The following DLGAP1 variants were observed in gnomAD, a reference collection of about 807,000 sequenced individuals.
DLGAP1 encodes the protein disks large-associated protein 1.
Under a neutral mutation model 90.8 loss-of-function variants are expected in DLGAP1, and 11 were observed. The ratio of observed to expected loss-of-function variants is 0.12; its 90% confidence interval spans 0.08 to 0.20. DLGAP1 has a LOEUF of 0.20. Ranked by LOEUF, DLGAP1 falls within the 10% of genes least tolerant of loss-of-function variation. The pLI is 1.00. For synonymous variants in DLGAP1, 558 were observed against 540.7 expected, an observed-to-expected ratio of 1.03 and a Z score of -0.44; for missense variants, 1,050 against 1,333.8, an observed-to-expected ratio of 0.79 and a Z score of 3.31.
At chr18:4,100,620 C>T (rs74687924) in intron 2 of DLGAP1, among the ~76,000 whole-genome samples, 1 of 152,192 alleles carries the variant, frequency 6.6e-6, no homozygotes, top group African/African-American at 2.4e-5. Flanking sequence ...ATTGACTTCT[C>T]CCCTTTAGCT....
chr18:4,313,580 T>C (rs942916775), intron 1 of DLGAP1, among the ~76,000 whole-genome samples: 2 of 152,270 alleles, frequency 1.3e-5, no homozygotes, highest in East Asian at 3.9e-4. Context: ...AAGGGCTAGA[T>C]TGACAATGAA....
At chr18:3,722,981 A>G (rs988232354) in intron 7 of DLGAP1, among the ~76,000 whole-genome samples, 5 of 152,202 alleles carry the variant, frequency 3.3e-5, no homozygotes, top group Non-Finnish European at 5.9e-5. Flanking sequence ...TGAGCTTCTT[A>G]TTCTGACTTT....
chr18:4,118,304 T>A (rs971536538), intron 2 of DLGAP1, among the ~76,000 whole-genome samples: 1 of 152,200 alleles, frequency 6.6e-6, no homozygotes, highest in South Asian at 2.1e-4. Context: ...TCTGTTCCAC[T>A]GCACAAGAGC....
intron 3 of DLGAP1, among the ~76,000 whole-genome samples, chr18:3,935,905 A>T (rs921925400): frequency 6.6e-6 from 1 of 152,192 alleles, no homozygotes; most frequent in Non-Finnish European, 1.5e-5. Flanking sequence ...CTTTTATCAC[A>T]GCAAAGGAAA....
chr18:3,619,076 G>T (rs549207346), intron 7 of DLGAP1, among the ~76,000 whole-genome samples: 1 of 152,150 alleles, frequency 6.6e-6, no homozygotes, highest in East Asian at 1.9e-4. Context: ...CCAGCCACCC[G>T]CAAGCCACAG....
intron 7 of DLGAP1, among the ~76,000 whole-genome samples, chr18:3,700,096 G>A (rs1310772276): frequency 6.6e-6 from 1 of 152,146 alleles, no homozygotes; most frequent in African/African-American, 2.4e-5. Context: ...AGACCACTTG[G>A]CTCCCTGGCT....
rs540306032 is a variant in DLGAP1 at position 3,810,006 on chromosome 18, A to C, written c.1172+4053T>G. ...CTTGCCTGGAAATTTACTATTAAAC[A>C]TTCAGAATTTTTTTGAAAATGCTAA... is the stretch of plus-strand genomic sequence containing the variant. On this transcript the variant is annotated intron_variant, in intron 5 of 12. Coordinates refer to ENST00000315677, the MANE Select transcript of DLGAP1 (RefSeq NM_004746.4). Among the ~76,000 whole-genome samples the C allele has an allele frequency of 1.6e-4, 24 of 152,332 alleles. No individual in the cohort carries two copies. The East Asian group carries it at 4.4e-3, about 28-fold the overall frequency.
intron 1 of DLGAP1, among the ~76,000 whole-genome samples, chr18:4,388,329 G>C (rs1251553407): frequency 6.6e-6 from 1 of 152,134 alleles, no homozygotes; most frequent in South Asian, 2.1e-4. Flanking sequence ...AGGAAAAAAT[G>C]GTTTCAGTTT....
chr18:4,408,821 T>C (rs1014416744), intron 1 of DLGAP1, among the ~76,000 whole-genome samples: 1 of 152,146 alleles, frequency 6.6e-6, no homozygotes, highest in Non-Finnish European at 1.5e-5. Context: ...AAAAATCATA[T>C]ACTCAAAAGC....
At position 3,674,866 on chromosome 18, in the gene DLGAP1, CG is replaced by C. The variant is rs2060243012; in HGVS notation, c.1591+54268del. Among the ~76,000 whole-genome samples the C allele has an allele frequency of 5.7e-4, 2 of 3,504 alleles. 1 individual carries two copies. Among genetic ancestry groups the C allele is most frequent in the Non-Finnish European group, 1.1e-3 (2 of 1,770 alleles). The allele number at this position is 3,504 out of a possible 152,430, so 2.3% of individuals were successfully genotyped here. ...CCCCATTCACCTCCACTATCAGTAC[CG>C]AGTCCACCACAATCATCACCCCCAT... On this transcript the variant is annotated intron_variant, in intron 7 of 12. Coordinates refer to ENST00000315677, the MANE Select transcript of DLGAP1 (RefSeq NM_004746.4).
intron 3 of DLGAP1, among the ~76,000 whole-genome samples, chr18:3,898,885 C>A (rs1272871531): frequency 6.6e-6 from 1 of 151,184 alleles, no homozygotes; most frequent in Non-Finnish European, 1.5e-5. Flanking sequence ...CTACATACAT[C>A]ATCTACACTT....
intron 1 of DLGAP1, among the ~76,000 whole-genome samples, chr18:4,379,747 T>C (rs1464845705): frequency 1.3e-5 from 2 of 152,164 alleles, no homozygotes; most frequent in African/African-American, 2.4e-5. Context: ...TCCAGAAATA[T>C]GTTAATTAAG....
chr18:3,659,434 C>CACAT (rs3219683), intron 7 of DLGAP1, among the ~76,000 whole-genome samples: 1 of 138,092 alleles, frequency 7.2e-6, no homozygotes, highest in Non-Finnish European at 1.5e-5. Flanking sequence ...CACACACACA[C>CACAT]GGATGCTACC....
At chr18:4,143,239 G>A (rs554951825) in intron 2 of DLGAP1, among the ~76,000 whole-genome samples, 8 of 152,148 alleles carry the variant, frequency 5.3e-5, no homozygotes, top group African/African-American at 1.9e-4. Context: ...GGAGGTCTAG[G>A]GACACAATCC....
chr18:4,058,731 G>A (rs767968529), intron 2 of DLGAP1, among the ~76,000 whole-genome samples: 4 of 152,098 alleles, frequency 2.6e-5, no homozygotes, highest in East Asian at 1.9e-4. Context: ...TGTAGCCTCC[G>A]TTTCTCTAAT....
chr18:3,561,126 G>C (rs552292177), intron 9 of DLGAP1, among the ~76,000 whole-genome samples: 3 of 150,364 alleles, frequency 2.0e-5, no homozygotes, highest in Non-Finnish European at 2.9e-5. Context: ...TTACGAATGA[G>C]AAAAATGAGC....
chr18:3,741,449 CTACCATCACCAT>C (rs1386037926), intron 6 of DLGAP1, among the ~76,000 whole-genome samples: 3 of 151,694 alleles, frequency 2.0e-5, no homozygotes, highest in African/African-American at 4.8e-5. Flanking sequence ...ATCACTGCCA[CTACCATCACCAT>C]TACCATCACC....
chr18:4,111,414 A>G (rs1247173982), intron 2 of DLGAP1, among the ~76,000 whole-genome samples: 1 of 152,046 alleles, frequency 6.6e-6, no homozygotes, highest in Non-Finnish European at 1.5e-5. Flanking sequence ...TTTTGATATT[A>G]GCAAAACGCT....
chr18:4,349,403 C>T (rs567488255), intron 1 of DLGAP1, among the ~76,000 whole-genome samples: 1 of 152,060 alleles, frequency 6.6e-6, no homozygotes, highest in African/African-American at 2.4e-5. Context: ...TAAATGCAGT[C>T]GGTGATCCTG....
Sources: allele counts gnomAD v4.1 joint callset (sites outside exome capture counted in the v4.1 genomes callset), GRCh38; gene constraint gnomAD v4.1.1; transcripts MANE v1.5; gene names NCBI Gene and HGNC (gene_info 2026-07-23, HGNC 2026-07-21).